NTNG2: variants seen among roughly 807,000 people sequenced by gnomAD.
NTNG2 encodes netrin G2.
NTNG2 carries 15 observed loss-of-function variants against 47.6 expected under a neutral mutation model. The ratio of observed to expected loss-of-function variants is 0.32; its 90% confidence interval spans 0.21 to 0.49. NTNG2 has a LOEUF of 0.49. Ranked by LOEUF, NTNG2 falls within the 20% of genes least tolerant of loss-of-function variation. The pLI, the probability that NTNG2 is intolerant of heterozygous loss-of-function variation, is 0.99. For synonymous variants in NTNG2, 307 were observed against 324.6 expected (o/e 0.95, Z 0.58); for missense variants, 578 against 764.6 (o/e 0.76, Z 2.88).
chr9:132,219,540 TC>T (rs1840213555), intron 3 of NTNG2, among the ~76,000 whole-genome samples: 1 of 131,256 alleles, frequency 7.6e-6, no homozygotes, highest in Non-Finnish European at 1.5e-5. Flanking sequence ...ACCACTGTAC[TC>T]CAGCCTGGGT....
chr9:132,231,562 A>G lies in NTNG2; in HGVS notation c.1054+967A>G, dbSNP rs2130976009. On this transcript the variant is annotated intron_variant, in intron 5 of 7. Coordinates refer to ENST00000393229, the MANE Select transcript of NTNG2 (RefSeq NM_032536.4). This position sits in a 1 kb window ranked among gnomAD's most constrained non-coding sequence, Gnocchi z 4.1. The stretch of plus-strand genomic sequence containing the variant: ...ACCCTGCAGGGACGCTGGTCTGCAC[A>G]GCCGTCGTAAGTTGCTTCTCTGTGG... 1 of 324,954 alleles carries G rather than the reference A, an allele frequency of 3.1e-6. No homozygotes were observed. Among genetic ancestry groups the G allele is most frequent in the Admixed American group, 4.4e-5 (1 of 22,638 alleles). 20.1% of individuals were successfully genotyped at this position (324,954 alleles called of 1,614,324 possible). A position where few individuals can be genotyped will look rare whatever the true frequency, so the allele number is the denominator to read the frequency against.
In NTNG2 at chr9:132,206,404, C is replaced by T. The variant is rs567920441; in HGVS notation, c.857+7795C>T. 5.9e-5 allele frequency among the ~76,000 whole-genome samples: 9 copies of T among 152,184 alleles called. No homozygotes were observed. The East Asian group carries it at 7.7e-4, about 13-fold the overall frequency. The stretch of plus-strand genomic sequence containing the variant: ...ACTCTTGGCCGGGCGTGGTGGCTCA[C>T]GCCTGTAATCCCAACACTTTGGGAG... On this transcript the variant is annotated intron_variant, in intron 3 of 7. Coordinates refer to ENST00000393229, the MANE Select transcript of NTNG2 (RefSeq NM_032536.4).
At chr9:132,234,331 T>C (rs1443798248) in intron 5 of NTNG2, among the ~76,000 whole-genome samples, 1 of 152,200 alleles carries the variant, frequency 6.6e-6, no homozygotes, top group Non-Finnish European at 1.5e-5. Flanking sequence ...CCCGGCCAAG[T>C]AGTGCTGTCT....
intron 3 of NTNG2, among the ~76,000 whole-genome samples, chr9:132,222,923 C>A (rs1377082836): frequency 1.3e-5 from 2 of 152,076 alleles, no homozygotes; most frequent in African/African-American, 4.8e-5. Flanking sequence ...CCAGCCTGGG[C>A]AACACAGGGA....
At position 132,207,196 on chromosome 9, in the gene NTNG2, C is replaced by T. The variant is rs73661560; in HGVS notation, c.857+8587C>T. 9.3e-3 allele frequency among the ~76,000 whole-genome samples: 1,417 copies of T among 152,362 alleles called. 20 individuals carry two copies. Among genetic ancestry groups the T allele is most frequent in the African/African-American group, 0.032 (1,310 of 41,584 alleles). On this transcript the variant is annotated intron_variant, in intron 3 of 7. Transcript: ENST00000393229. ...CACTCAACAGATGTTTTTTCTCAGA[C>T]CTTGCAGGGATGAATTAACACATAT...
At position 132,166,843 on chromosome 9, in the gene NTNG2, G is replaced by A; in HGVS notation, c.12G>A (p.Leu4=). 6.2e-7 allele frequency: 1 copy of A among 1,614,024 alleles called. No individual in the cohort carries two copies. The highest frequency in any genetic ancestry group is 8.5e-7 in the Non-Finnish European group (1 of 1,180,020). The change falls in exon 2 of 8, where the codon CTG becomes CTA. Residue 4 remains leucine, a synonymous_variant. Coordinates refer to ENST00000393229, the MANE Select transcript of NTNG2 (RefSeq NM_032536.4). ...CAGACTGCGCAGCCATGCTGCATCT[G>A]CTGGCGCTCTTCCTGCACTGCCTCC... MLH[L]LALFLHCLPL... is the part of the protein sequence containing the mutation.
At chr9:132,212,608 C>T (rs943563058) in intron 3 of NTNG2, among the ~76,000 whole-genome samples, 4 of 152,086 alleles carry the variant, frequency 2.6e-5, no homozygotes, top group East Asian at 1.9e-4. Flanking sequence ...TCTGCCCCCA[C>T]GGCTCTGTTG....
At chr9:132,189,694 C>A (rs999126423) in intron 2 of NTNG2, among the ~76,000 whole-genome samples, 1 of 152,120 alleles carries the variant, frequency 6.6e-6, no homozygotes, top group African/African-American at 2.4e-5. Context: ...GGCTGGAGTG[C>A]AGTGGTGTGA....
chr9:132,223,499 C>T (rs920338709), intron 3 of NTNG2, among the ~76,000 whole-genome samples: 13 of 152,218 alleles, frequency 8.5e-5, no homozygotes, highest in South Asian at 8.3e-4. Flanking sequence ...AAACAAAAAG[C>T]GTCACCCCTC....
In NTNG2 at chr9:132,221,958, T is replaced by A. The variant is rs1481703266; in HGVS notation, c.858-4891T>A. Among the ~76,000 whole-genome samples the A allele has an allele frequency of 6.6e-6, 1 of 152,230 alleles. No homozygotes were observed. Among genetic ancestry groups the A allele is most frequent in the African/African-American group, 2.4e-5 (1 of 41,456 alleles). On this transcript the variant is annotated intron_variant, in intron 3 of 7. Coordinates refer to ENST00000393229, the MANE Select transcript of NTNG2 (RefSeq NM_032536.4). The surrounding 1 kb of genome is among the most constrained non-coding windows in gnomAD (Gnocchi z 4.2). ...GCTGATATCTAAAAATATCCCTTCC[T>A]CAGGCCAGCAGTGCGGAGCACAGCC...
In NTNG2 at chr9:132,231,548, A is replaced by T. The variant is rs943175771; in HGVS notation, c.1054+953A>T. On this transcript the variant is annotated intron_variant, in intron 5 of 7. Transcript: ENST00000393229. This position sits in a 1 kb window ranked among gnomAD's most constrained non-coding sequence, Gnocchi z 4.1. Reference sequence around the variant, plus strand: ...CAGAAAGAAGCTGGACCCTGCAGGGACGCTGGTCTGCACAGCCGTCGTAAG... The same window carrying T: ...CAGAAAGAAGCTGGACCCTGCAGGGTCGCTGGTCTGCACAGCCGTCGTAAG... 2.9e-6 allele frequency: 1 copy of T among 342,280 alleles called. No homozygotes were observed. Among genetic ancestry groups the T allele is most frequent in the South Asian group, 2.1e-5 (1 of 47,216 alleles). 21.2% of individuals were successfully genotyped at this position (342,280 alleles called of 1,614,324 possible).
At chr9:132,176,582 C>T (rs182329363) in intron 2 of NTNG2, among the ~76,000 whole-genome samples, 1 of 152,152 alleles carries the variant, frequency 6.6e-6, no homozygotes, top group African/African-American at 2.4e-5. Flanking sequence ...TTTGTGTATC[C>T]GTTTCCTAAC....
At chr9:132,230,639 G>A (rs561156370) in intron 5 of NTNG2, 44 bp downstream of exon 5, 39 of 1,594,758 alleles carry the variant, frequency 2.4e-5, no homozygotes, top group Middle Eastern at 1.7e-4. Flanking sequence ...CCCACTGCAC[G>A]AGCCTCTTTG....
intron 3 of NTNG2, among the ~76,000 whole-genome samples, chr9:132,202,674 G>C (rs1838863428): frequency 6.6e-6 from 1 of 152,182 alleles, no homozygotes; most frequent in Non-Finnish European, 1.5e-5. Context: ...GAGCGGGAGG[G>C]GCCTCCGCCC....
chr9:132,242,075 G>GC lies in NTNG2; in HGVS notation c.1558dup (p.Leu520ProfsTer41). 8.3e-7 allele frequency: 1 copy of GC among 1,203,100 alleles called. No individual in the cohort carries two copies. Among genetic ancestry groups the GC allele is most frequent in the Non-Finnish European group, 1.0e-6 (1 of 971,938 alleles). The allele number at this position is 1,203,100 out of a possible 1,614,324, so 74.5% of individuals were successfully genotyped here. The stretch of plus-strand genomic sequence containing the variant: ...GCCCCGCCACCCTGCTCGGCTGCCT[G>GC]CTGCTGCTGGGGCTGGCCGCCCGCC... On this transcript the variant is annotated frameshift_variant, in exon 8 of 8. Transcript: ENST00000393229. LOFTEE classifies it low-confidence loss of function (END_TRUNC). The surrounding 1 kb of genome is among the most constrained non-coding windows in gnomAD (Gnocchi z 5.9).
rs754771515 is a variant in NTNG2 at position 132,218,253 on chromosome 9, C to G, written c.858-8596C>G. The stretch of plus-strand genomic sequence containing the variant: ...CTTGGATTCAAGTCCTGCGTCTGCC[C>G]CTTACCAGCTGTGGAACCTCAGGCA... On this transcript the variant is annotated intron_variant, in intron 3 of 7. Transcript: ENST00000393229. This position sits in a 1 kb window ranked among gnomAD's most constrained non-coding sequence, Gnocchi z 5.4. Among the ~76,000 whole-genome samples the G allele has an allele frequency of 2.6e-5, 4 of 152,184 alleles. No homozygotes were observed. The highest frequency in any genetic ancestry group is 4.4e-5 in the Non-Finnish European group (3 of 68,028).
intron 5 of NTNG2, 149 bp from the exon 6 acceptor site, chr9:132,238,955 G>A (rs763561515): frequency 2.6e-6 from 2 of 758,538 alleles, no homozygotes; most frequent in Middle Eastern, 2.3e-4. Context: ...CGATGGAAGG[G>A]TGGGAGGCCT....
In NTNG2 at chr9:132,219,000, A is replaced by C. The variant is rs1589505064; in HGVS notation, c.858-7849A>C. Among the ~76,000 whole-genome samples, 2 of 152,312 alleles carry C rather than the reference A, an allele frequency of 1.3e-5. No homozygotes were observed. Among genetic ancestry groups the C allele is most frequent in the African/African-American group, 4.8e-5 (2 of 41,562 alleles). On this transcript the variant is annotated intron_variant, in intron 3 of 7. Transcript: ENST00000393229. The surrounding 1 kb of genome is among the most constrained non-coding windows in gnomAD (Gnocchi z 5.4). ...CGTACAATTCAGTCGCTTTTAGGTT[A>C]TTCACAGAGTTGTGCAACTATCACC... is the stretch of plus-strand genomic sequence containing the variant.
intron 3 of NTNG2, among the ~76,000 whole-genome samples, chr9:132,214,783 G>T (rs529840450): frequency 6.6e-6 from 1 of 152,048 alleles, no homozygotes; most frequent in South Asian, 2.1e-4. Context: ...CAAGGGAATC[G>T]TTGTTTTTTA....
Sources: allele counts gnomAD v4.1 joint callset (sites outside exome capture counted in the v4.1 genomes callset), GRCh38; gene constraint gnomAD v4.1.1; non-coding constraint Gnocchi (gnomAD v3.1); transcripts MANE v1.5; gene names NCBI Gene and HGNC (gene_info 2026-07-23, HGNC 2026-07-21).